The following PRH1 variants were observed in gnomAD, a reference collection of about 807,000 sequenced individuals.
The protein encoded by PRH1 is salivary acidic proline-rich phosphoprotein 1/2.
Under a neutral mutation model 7.9 loss-of-function variants are expected in PRH1, and 7 were observed. The ratio of observed to expected loss-of-function variants is 0.89; its 90% CI spans 0.50 to 1.67. The LOEUF (loss-of-function observed/expected upper bound fraction) is 1.67, where lower values mean the gene tolerates loss of function less well. Ranked by LOEUF, PRH1 falls within the 40% of genes most tolerant of loss-of-function variation. The pLI, the probability that PRH1 is intolerant of heterozygous loss-of-function variation, is 0.00. For synonymous variants in PRH1, 45 were observed against 80.8 expected (o/e 0.56, Z 2.38); for missense variants, 109 against 223.6 (o/e 0.49, Z 3.27).
chr12:11,033,520 T>C (rs769339807), intron 1 of PRH1, among the ~76,000 whole-genome samples: 5 of 152,124 alleles, frequency 3.3e-5, no homozygotes, highest in African/African-American at 4.8e-5. Context: ...GTGGGAAATA[T>C]GTACAACCTT....
chr12:11,049,642 T>C (rs1389921060), upstream of PRH1, among the ~76,000 whole-genome samples: 1 of 152,214 alleles, frequency 6.6e-6, no homozygotes, highest in Admixed American at 6.5e-5. Context: ...CTCTCCATAA[T>C]TTGTGTCCAG....
At chr12:11,155,292 AG>A (rs2136438436) in intron 1 of PRH1, among the ~76,000 whole-genome samples, 1 of 152,274 alleles carries the variant, frequency 6.6e-6, no homozygotes, top group South Asian at 2.1e-4. Context: ...CAAAAAAGAG[AG>A]GTGGAAAACT....
At chr12:11,039,285 T>C (rs1199040264) in intron 1 of PRH1, among the ~76,000 whole-genome samples, 6 of 152,230 alleles carry the variant, frequency 3.9e-5, no homozygotes, top group Admixed American at 3.9e-4. Flanking sequence ...TGCAGTAATG[T>C]TGTTTTTCCT....
At chr12:11,128,339 C>T (rs777900682) in intron 1 of PRH1, among the ~76,000 whole-genome samples, 20 of 147,704 alleles carry the variant, frequency 1.4e-4, no homozygotes, top group Non-Finnish European at 2.6e-4. Context: ...TATAGCATAA[C>T]TGTTTCTAAG....
intron 1 of PRH1, chr12:10,997,436 T>G (rs1356660503): frequency 6.2e-7 from 1 of 1,613,674 alleles, no homozygotes; most frequent in Non-Finnish European, 8.5e-7. Context: ...ATACGTGTGT[T>G]TCATCACAAG....
chr12:10,910,902 A>G (rs1390385403), intron 2 of PRH1, among the ~76,000 whole-genome samples: 1 of 152,204 alleles, frequency 6.6e-6, no homozygotes, highest in Non-Finnish European at 1.5e-5. Flanking sequence ...ACAGAGTACT[A>G]AAAAATTTAC....
At chr12:11,142,968 G>C (rs1220225102) in intron 1 of PRH1, among the ~76,000 whole-genome samples, 1 of 152,104 alleles carries the variant, frequency 6.6e-6, no homozygotes, top group Non-Finnish European at 1.5e-5. Context: ...CAATCAGAAA[G>C]AAAAGGGCAT....
At chr12:10,966,608 A>C (rs1393038342) in intron 2 of PRH1, among the ~76,000 whole-genome samples, 3 of 152,214 alleles carry the variant, frequency 2.0e-5, no homozygotes, top group Non-Finnish European at 4.4e-5. Context: ...CCATCCAGCA[A>C]ACCCAGCTTA....
intron 1 of PRH1, among the ~76,000 whole-genome samples, chr12:11,091,133 T>C (rs1343276725): frequency 0.047 from 2,464 of 51,924 alleles, 739 homozygotes; most frequent in South Asian, 0.075. Flanking sequence ...TATATATATA[T>C]ATATATATAT....
chr12:11,109,509 G>T (rs931871269), intron 1 of PRH1, among the ~76,000 whole-genome samples: 1 of 152,164 alleles, frequency 6.6e-6, no homozygotes, highest in African/African-American at 2.4e-5. Flanking sequence ...AGCCTCCACT[G>T]GTGATACCCA....
At chr12:11,000,594 T>C (rs889350989) in intron 1 of PRH1, among the ~76,000 whole-genome samples, 5 of 152,164 alleles carry the variant, frequency 3.3e-5, no homozygotes, top group Non-Finnish European at 7.4e-5. Context: ...ACTAAAAATA[T>C]ATGGATTAAT....
chr12:10,955,963 A>G (rs1289317253), intron 2 of PRH1, among the ~76,000 whole-genome samples: 2 of 152,256 alleles, frequency 1.3e-5, no homozygotes, highest in South Asian at 2.1e-4. Context: ...AAACAAAAAA[A>G]GCCTAGGACC....
chr12:10,942,011 G>GA (rs1950409061), intron 2 of PRH1, among the ~76,000 whole-genome samples: 1 of 152,158 alleles, frequency 6.6e-6, no homozygotes, highest in African/African-American at 2.4e-5. Flanking sequence ...TAGTCACCAA[G>GA]AAAGTCCACC....
chr12:11,152,074 TTTC>T (rs1214562507), intron 1 of PRH1, among the ~76,000 whole-genome samples: 7 of 151,990 alleles, frequency 4.6e-5, no homozygotes, highest in Admixed American at 1.3e-4. Flanking sequence ...TTCCATTTTC[TTTC>T]TTCTTTTTTT....
chr12:10,968,353 TA>T (rs1938614934), intron 2 of PRH1, among the ~76,000 whole-genome samples: 2 of 152,194 alleles, frequency 1.3e-5, no homozygotes, highest in African/African-American at 4.8e-5. Flanking sequence ...TGATATTCTT[TA>T]TTTAAATTAC....
intron 2 of PRH1, among the ~76,000 whole-genome samples, chr12:10,921,375 T>C (rs1351968454): frequency 6.6e-6 from 1 of 152,154 alleles, no homozygotes; most frequent in African/African-American, 2.4e-5. Flanking sequence ...TTTTTACTAC[T>C]AATATAAATT....
intron 1 of PRH1, among the ~76,000 whole-genome samples, chr12:11,170,537 A>G (rs1015914445): frequency 6.6e-6 from 1 of 152,058 alleles, no homozygotes; most frequent in African/African-American, 2.4e-5. Flanking sequence ...ACAGAGCGAG[A>G]CTCCCGTCTC....
chr12:11,039,184 T>A (rs1227042515), intron 1 of PRH1, among the ~76,000 whole-genome samples: 1 of 152,232 alleles, frequency 6.6e-6, no homozygotes, highest in East Asian at 1.9e-4. Flanking sequence ...GGTAGTAAAC[T>A]TATCATGTCT....
chr12:11,122,655 T>A lies in PRH1; in HGVS notation n.40-1475A>T, dbSNP rs549237657. On this transcript the variant is annotated intron_variant and non_coding_transcript_variant, in intron 1 of 1. Transcript: ENST00000541175. ...ATGTCAAATTTCCAAAAGTTGCAAC[T>A]AAAATCAGAAAGTTTCTTCTTAAAA... 2.6e-5 allele frequency among the ~76,000 whole-genome samples: 4 copies of A among 152,396 alleles called. No individual in the cohort carries two copies. In the South Asian group the frequency reaches 8.3e-4, roughly 32 times the overall value.
Sources: allele counts gnomAD v4.1 joint callset (sites outside exome capture counted in the v4.1 genomes callset), GRCh38; gene constraint gnomAD v4.1.1; transcripts MANE v1.5; gene names NCBI Gene and HGNC (gene_info 2026-07-23, HGNC 2026-07-21).